Variants in PLEKHA7 observed in about 807,000 individuals in gnomAD.
The protein encoded by PLEKHA7 is pleckstrin homology domain containing A7.
A neutral mutation model predicts 170.0 loss-of-function variants in PLEKHA7; 104 were observed. The observed-to-expected ratio is 0.61, with a 90% CI of 0.52 to 0.72. The LOEUF (loss-of-function observed/expected upper bound fraction) is 0.72, where lower values mean the gene tolerates loss of function less well. Ranked by LOEUF, PLEKHA7 falls within the 30% of genes least tolerant of loss-of-function variation. PLEKHA7 has a pLI of 0.00. For synonymous variants in PLEKHA7, 648 were observed against 660.8 expected, an observed-to-expected ratio of 0.98 and a Z score of 0.30; for missense variants, 1,615 against 1,671.7, an observed-to-expected ratio of 0.97 and a Z score of 0.59.
chr11:16,982,780 TACAC>T (rs35725815), intron 3 of PLEKHA7, among the ~76,000 whole-genome samples: 1 of 144,020 alleles, frequency 6.9e-6, no homozygotes, highest in African/African-American at 2.6e-5. Context: ...CACTATCCCC[TACAC>T]ACACACACAC....
rs577986047 is a variant in PLEKHA7, at chr11:16,783,646, G to A, written c.3650+54C>T. 41 of 1,340,568 alleles carry A rather than the reference G, an allele frequency of 3.1e-5. No individual in the cohort carries two copies. In the South Asian group the frequency reaches 7.7e-4, roughly 25 times the overall value. The allele number at this position is 1,340,568 out of a possible 1,614,324, so 83.0% of individuals were successfully genotyped here. A position where few individuals can be genotyped will look rare whatever the true frequency, so the allele number is the denominator to read the frequency against. The stretch of plus-strand genomic sequence containing the variant: ...CCCGGCCCAGGGCCCACATGGTAGA[G>A]ACGCCACCTGGGGTCAGGGTGACCT... On this transcript the variant is annotated intron_variant, in intron 25 of 26. Transcript: ENST00000531066.
At chr11:16,783,556 C>T in intron 25 of PLEKHA7, 144 bp downstream of exon 25, 1 of 890,606 alleles carries the variant, frequency 1.1e-6, no homozygotes, top group Non-Finnish European at 1.5e-6. Context: ...ATGTACCAGC[C>T]TGCCCCCTCC....
At chr11:16,782,303 G>A (rs920485383) in intron 26 of PLEKHA7, among the ~76,000 whole-genome samples, 2 of 152,138 alleles carry the variant, frequency 1.3e-5, no homozygotes, top group Non-Finnish European at 2.9e-5. Context: ...GTTTAGAGAC[G>A]AAGGCAGGGG....
intron 8 of PLEKHA7, among the ~76,000 whole-genome samples, chr11:16,844,402 G>A (rs961545358): frequency 6.6e-6 from 1 of 152,230 alleles, no homozygotes; most frequent in East Asian, 1.9e-4. Context: ...TATTCTGCCT[G>A]TGTGAGAGCA....
intron 3 of PLEKHA7, among the ~76,000 whole-genome samples, chr11:16,961,311 C>T (rs983398190): frequency 1.3e-5 from 2 of 152,174 alleles, no homozygotes; most frequent in African/African-American, 4.8e-5. Context: ...GTGGAAAGGC[C>T]GCCCAAGCGC....
At chr11:16,991,467 G>A (rs1864037954) in intron 3 of PLEKHA7, among the ~76,000 whole-genome samples, 1 of 151,998 alleles carries the variant, frequency 6.6e-6, no homozygotes, top group Admixed American at 6.6e-5. Flanking sequence ...ATAATAGAGT[G>A]TGCTGGAGAA....
At chr11:16,856,044 C>T (rs759078340) in intron 4 of PLEKHA7, 130 bp from the exon 5 acceptor site, 3 of 731,094 alleles carry the variant, frequency 4.1e-6, no homozygotes, top group South Asian at 1.7e-5. Flanking sequence ...TTGGAGGCTG[C>T]CTGACTCCAG....
intron 23 of PLEKHA7, chr11:16,788,682 C>A (rs1391248675): frequency 1.1e-5 from 3 of 263,018 alleles, no homozygotes; most frequent in South Asian, 4.4e-5. Context: ...CACCCTCACA[C>A]AGCATCTGCT....
At chr11:16,912,572 G>C (rs1300305153) in intron 3 of PLEKHA7, among the ~76,000 whole-genome samples, 1 of 152,196 alleles carries the variant, frequency 6.6e-6, no homozygotes. Context: ...GACCTACACT[G>C]TACGAGACAC....
At chr11:16,966,414 G>A (rs1862379238) in intron 3 of PLEKHA7, among the ~76,000 whole-genome samples, 2 of 152,208 alleles carry the variant, frequency 1.3e-5, no homozygotes, top group Admixed American at 6.5e-5. Flanking sequence ...CTTGAGGGAT[G>A]AAGATATGAG....
intron 3 of PLEKHA7, among the ~76,000 whole-genome samples, chr11:16,989,046 G>A (rs899355064): frequency 3.3e-5 from 5 of 152,200 alleles, no homozygotes; most frequent in Admixed American, 3.3e-4. Flanking sequence ...CCTCAAAGGG[G>A]TGACCCATGA....
chr11:16,943,297 G>T (rs959641569), intron 3 of PLEKHA7, among the ~76,000 whole-genome samples: 1 of 151,550 alleles, frequency 6.6e-6, no homozygotes, highest in Non-Finnish European at 1.5e-5. Flanking sequence ...AACTCTGGGT[G>T]TATTTCACAT....
intron 3 of PLEKHA7, among the ~76,000 whole-genome samples, chr11:16,906,897 CG>C (rs1857777495): frequency 7.0e-6 from 1 of 143,510 alleles, no homozygotes; most frequent in Non-Finnish European, 1.5e-5. Flanking sequence ...TCTGCCACGC[CG>C]CCCATCGTCT....
At chr11:16,850,349 G>A (rs972734083) in intron 8 of PLEKHA7, among the ~76,000 whole-genome samples, 1 of 152,234 alleles carries the variant, frequency 6.6e-6, no homozygotes, top group African/African-American at 2.4e-5. Flanking sequence ...AGAGGGCCAT[G>A]CCCTGTGGTG....
intron 3 of PLEKHA7, among the ~76,000 whole-genome samples, chr11:16,918,511 G>C (rs1479684712): frequency 2.0e-5 from 3 of 152,182 alleles, no homozygotes; most frequent in Non-Finnish European, 4.4e-5. Flanking sequence ...ACTTCTCTGA[G>C]CTTTCTCAAT....
At chr11:16,950,952 T>C (rs1362823895) in intron 3 of PLEKHA7, among the ~76,000 whole-genome samples, 1 of 152,188 alleles carries the variant, frequency 6.6e-6, no homozygotes, top group Non-Finnish European at 1.5e-5. Context: ...TTGCACTGTG[T>C]AGAAAGCATC....
At chr11:16,850,964 G>A (rs1303767576) in intron 8 of PLEKHA7, among the ~76,000 whole-genome samples, 1 of 152,128 alleles carries the variant, frequency 6.6e-6, no homozygotes, top group East Asian at 1.9e-4. Context: ...CAGGAAGGAG[G>A]GGTCTGAATA....
At chr11:17,003,110 T>C in intron 3 of PLEKHA7, among the ~76,000 whole-genome samples, 1 of 151,578 alleles carries the variant, frequency 6.6e-6, no homozygotes. Flanking sequence ...CCTGCCTCAG[T>C]CTCCTGAGTA....
At chr11:16,783,220 G>A (rs1849165833) in intron 25 of PLEKHA7, among the ~76,000 whole-genome samples, 1 of 152,212 alleles carries the variant, frequency 6.6e-6, no homozygotes, top group Admixed American at 6.5e-5. Flanking sequence ...TTGAGGCTTA[G>A]GGGACAGTAA....
Sources: gnomAD v4.1 joint callset for allele counts (sites outside exome capture counted in the v4.1 genomes callset) on GRCh38, gnomAD v4.1.1 for gene constraint, MANE v1.5 for transcripts, NCBI Gene and HGNC (gene_info 2026-07-23, HGNC 2026-07-21) for gene names.